Variants in LRRC8D observed in about 807,000 individuals in gnomAD.
The protein encoded by LRRC8D is volume-regulated anion channel subunit LRRC8D.
Under a neutral mutation model 55.8 loss-of-function variants are expected in LRRC8D, and 20 were observed. The ratio of observed to expected loss-of-function variants is 0.36; its 90% CI spans 0.25 to 0.52. The LOEUF (loss-of-function observed/expected upper bound fraction) is 0.52, where lower values mean the gene tolerates loss of function less well. Ranked by LOEUF, LRRC8D falls within the 20% of genes least tolerant of loss-of-function variation. The pLI is 0.93. For missense variants in LRRC8D, 651 were observed against 1,030.8 expected, an observed-to-expected ratio of 0.63 and a Z score of 5.05; for synonymous variants, 352 against 377.0, an observed-to-expected ratio of 0.93 and a Z score of 0.77.
chr1:89,902,190 C>A (rs1219819648), intron 2 of LRRC8D, among the ~76,000 whole-genome samples: 3 of 152,264 alleles, frequency 2.0e-5, no homozygotes, highest in African/African-American at 7.2e-5. Context: ...TATTTGAAGG[C>A]GTGCAGACCA....
At chr1:89,876,898 C>A (rs1373372927) in intron 2 of LRRC8D, among the ~76,000 whole-genome samples, 1 of 152,224 alleles carries the variant, frequency 6.6e-6, no homozygotes, top group Non-Finnish European at 1.5e-5. Context: ...TATCTGCTCT[C>A]CAATTTGGTA....
chr1:89,879,530 G>T (rs1216963087), intron 2 of LRRC8D, among the ~76,000 whole-genome samples: 2 of 152,168 alleles, frequency 1.3e-5, no homozygotes, highest in Non-Finnish European at 2.9e-5. Context: ...ATACTTCAAA[G>T]ATATTATAAC....
intron 2 of LRRC8D, among the ~76,000 whole-genome samples, chr1:89,917,205 C>A (rs1170061712): frequency 6.6e-6 from 1 of 152,102 alleles, no homozygotes; most frequent in Non-Finnish European, 1.5e-5. Context: ...CCCTAATTAG[C>A]CCATTAATCT....
At chr1:89,900,696 A>G (rs908713259) in intron 2 of LRRC8D, among the ~76,000 whole-genome samples, 2 of 152,256 alleles carry the variant, frequency 1.3e-5, no homozygotes, top group African/African-American at 4.8e-5. Context: ...GTTGGTCCAC[A>G]GAGCACTGAA....
rs564830172 is a variant in LRRC8D, at chr1:89,900,366, G to T, written c.-2-32701G>T. Among the ~76,000 whole-genome samples the T allele has an allele frequency of 5.3e-5, 8 of 150,786 alleles. No individual in the cohort carries two copies. The East Asian group carries it at 1.2e-3, about 22-fold the overall frequency. Reference sequence around the variant, plus strand: ...CTTTTGGGTACAGTGCATCAAGGAAGATTCAGAAGGTAAAGGTGGTGAGAG... The same window carrying T: ...CTTTTGGGTACAGTGCATCAAGGAATATTCAGAAGGTAAAGGTGGTGAGAG... On this transcript the variant is annotated intron_variant, in intron 2 of 2. Transcript: ENST00000337338.
intron 1 of LRRC8D, among the ~76,000 whole-genome samples, chr1:89,821,644 G>A (rs1365365426): frequency 6.6e-6 from 1 of 152,284 alleles, no homozygotes; most frequent in African/African-American, 2.4e-5. Flanking sequence ...CTATCGGAAA[G>A]GCGGGGAGAG....
chr1:89,882,995 G>A (rs1048133410), intron 2 of LRRC8D, among the ~76,000 whole-genome samples: 2 of 152,150 alleles, frequency 1.3e-5, no homozygotes, highest in African/African-American at 4.8e-5. Flanking sequence ...GCCAGTCAAG[G>A]GAGTTTAGAC....
chr1:89,867,001 T>A (rs537547727), intron 2 of LRRC8D, among the ~76,000 whole-genome samples: 1 of 152,334 alleles, frequency 6.6e-6, no homozygotes, highest in Non-Finnish European at 1.5e-5. Context: ...TGTATTTTTT[T>A]AACTGTTTTA....
intron 2 of LRRC8D, among the ~76,000 whole-genome samples, chr1:89,919,260 G>A (rs898406652): frequency 1.3e-5 from 2 of 152,170 alleles, no homozygotes; most frequent in Non-Finnish European, 2.9e-5. Flanking sequence ...AGTGAGGTAA[G>A]CACCAGAGCA....
At chr1:89,875,480 G>C (rs191345744) in intron 2 of LRRC8D, among the ~76,000 whole-genome samples, 5 of 152,216 alleles carry the variant, frequency 3.3e-5, no homozygotes, top group Admixed American at 2.6e-4. Flanking sequence ...AGTCTGATAA[G>C]CATGTGTTTC....
intron 1 of LRRC8D, 153 bp from the exon 2 acceptor site, chr1:89,843,485 T>C: frequency 2.3e-6 from 1 of 440,858 alleles, no homozygotes; most frequent in Non-Finnish European, 4.1e-6. Context: ...TGCGGCGGGG[T>C]CGCCACGGCC....
intron 1 of LRRC8D, among the ~76,000 whole-genome samples, chr1:89,841,349 G>A (rs759658962): frequency 9.9e-5 from 15 of 152,050 alleles, no homozygotes; most frequent in Non-Finnish European, 1.5e-4. Context: ...AGAAAAGGGT[G>A]GGTGAGGTGT....
intron 1 of LRRC8D, among the ~76,000 whole-genome samples, chr1:89,836,735 A>G (rs1369284652): frequency 2.0e-5 from 3 of 152,220 alleles, no homozygotes; most frequent in Non-Finnish European, 4.4e-5. Context: ...TTGGACATCC[A>G]TAGCCACTCC....
chr1:89,826,473 C>G (rs946299210), intron 1 of LRRC8D, among the ~76,000 whole-genome samples: 1 of 152,110 alleles, frequency 6.6e-6, no homozygotes, highest in Non-Finnish European at 1.5e-5. Flanking sequence ...ACCATGGTCT[C>G]GATCTCCTGA....
At chr1:89,928,603 T>C (rs1005098787) in intron 2 of LRRC8D, among the ~76,000 whole-genome samples, 3 of 152,116 alleles carry the variant, frequency 2.0e-5, no homozygotes, top group Non-Finnish European at 2.9e-5. Context: ...AGTGTTACCA[T>C]TCTTGCGGGG....
intron 2 of LRRC8D, among the ~76,000 whole-genome samples, chr1:89,880,362 G>T (rs1184189675): frequency 6.6e-6 from 1 of 151,814 alleles, no homozygotes; most frequent in Non-Finnish European, 1.5e-5. Context: ...GCATTGGAGT[G>T]ATGAGCTTTA....
intron 2 of LRRC8D, among the ~76,000 whole-genome samples, chr1:89,914,251 G>A (rs1285377381): frequency 4.6e-5 from 7 of 152,228 alleles, no homozygotes; most frequent in South Asian, 2.1e-4. Context: ...CAACTGCTCC[G>A]AGTGCGGGGC....
At chr1:89,825,550 A>G (rs1660742648) in intron 1 of LRRC8D, among the ~76,000 whole-genome samples, 2 of 152,194 alleles carry the variant, frequency 1.3e-5, no homozygotes, top group South Asian at 2.1e-4. Flanking sequence ...CTTGTTTCCC[A>G]CTCAGGCTAA....
intron 2 of LRRC8D, among the ~76,000 whole-genome samples, chr1:89,880,312 A>G (rs1389461016): frequency 2.6e-5 from 4 of 151,808 alleles, no homozygotes; most frequent in African/African-American, 9.7e-5. Flanking sequence ...ATTCATTTCC[A>G]GGATCATCTG....
Sources: gnomAD v4.1 joint callset for allele counts (sites outside exome capture counted in the v4.1 genomes callset) on GRCh38, gnomAD v4.1.1 for gene constraint, MANE v1.5 for transcripts, NCBI Gene and HGNC (gene_info 2026-07-23, HGNC 2026-07-21) for gene names.